GUF1: variants seen among roughly 807,000 people sequenced by gnomAD.
GUF1 encodes the protein translation factor GUF1, mitochondrial.
Under a neutral mutation model 82.4 loss-of-function variants are expected in GUF1, and 78 were observed. The ratio of observed to expected loss-of-function variants is 0.95; its 90% CI spans 0.79 to 1.14. The LOEUF is 1.14. Ranked by LOEUF, GUF1 falls within the 50% of genes most tolerant of loss-of-function variation. The probability of loss-of-function intolerance (pLI) is 0.00; values close to 1 mark genes in which losing one functional copy is unlikely to be tolerated. For missense variants in GUF1, 814 were observed against 798.2 expected (o/e 1.02, Z -0.24); for synonymous variants, 279 against 282.3 (o/e 0.99, Z 0.12).
chr4:44,684,091 CCCTT>C (rs1714918239), intron 6 of GUF1, among the ~76,000 whole-genome samples: 1 of 151,882 alleles, frequency 6.6e-6, no homozygotes, highest in East Asian at 1.9e-4. Flanking sequence ...CAGACAAGAC[CCCTT>C]CCTTTCTGCA....
Position 44,694,498 on chromosome 4 carries a change from T to G in GUF1, c.1700T>G (p.Val567Gly). 6.3e-7 allele frequency: 1 copy of G among 1,579,174 alleles called. No individual in the cohort carries two copies. The highest frequency in any genetic ancestry group is 8.7e-7 in the Non-Finnish European group (1 of 1,149,322). The change falls in exon 14 of 17, where the codon GTA becomes GGA. Residue 567 changes from valine to glycine, a missense_variant. Transcript: ENST00000281543. ...LLNGNTVEEL[V>G]TVVHKDKAHS... ...AATGGAAATACTGTAGAGGAGCTAG[T>G]AACTGTTGTACACAAGTAAGTTCAA...
Position 44,678,594 on chromosome 4 carries a change from C to G in GUF1, c.-29C>G, listed in dbSNP as rs1004152914. ...CTATGCTGCTGTTGCGTGTGGGTAC[C>G]CTCTCCTGACGCCTCCGCCGCCCGG... On this transcript the variant is annotated 5_prime_UTR_variant, in exon 1 of 17. Coordinates refer to ENST00000281543, the MANE Select transcript of GUF1 (RefSeq NM_021927.3). The G allele has an allele frequency of 7.0e-7, 1 of 1,438,304 alleles. No individual in the cohort carries two copies. The highest frequency in any genetic ancestry group is 3.1e-5 in the Admixed American group (1 of 32,332). 89.1% of individuals were successfully genotyped at this position (1,438,304 alleles called of 1,614,324 possible). A position where few individuals can be genotyped will look rare whatever the true frequency, so the allele number is the denominator to read the frequency against.
chr4:44,688,168 A>G, intron 9 of GUF1, 22 bp downstream of exon 9: 1 of 1,597,804 alleles, frequency 6.3e-7, no homozygotes, highest in Non-Finnish European at 8.5e-7. Context: ...ACAAATTCAA[A>G]GGTTGAGGGC....
chr4:44,687,896 A>C (rs1715159072), intron 8 of GUF1, 111 bp from the exon 9 acceptor site: 1 of 901,390 alleles, frequency 1.1e-6, no homozygotes, highest in African/African-American at 1.7e-5. Flanking sequence ...TTCAAAGTGT[A>C]TGGAAAGTTT....
chr4:44,690,544 T>A (rs1250673013), intron 11 of GUF1, among the ~76,000 whole-genome samples, 173 bp from the exon 12 acceptor site: 2 of 151,840 alleles, frequency 1.3e-5, no homozygotes. Flanking sequence ...TTCTTCTAAA[T>A]GGTCCATGAA....
chr4:44,680,618 A>C, intron 2 of GUF1, 66 bp downstream of exon 2: 1 of 1,434,224 alleles, frequency 7.0e-7, no homozygotes. Context: ...TTTACTCTTA[A>C]ATTTTAATTT....
intron 14 of GUF1, among the ~76,000 whole-genome samples, chr4:44,694,844 G>T (rs1447117731): frequency 6.6e-6 from 1 of 151,442 alleles, no homozygotes; most frequent in Non-Finnish European, 1.5e-5. Context: ...GTCTCATTCT[G>T]TTGCCAGGCT....
At chr4:44,678,836 T>C (rs371787595) in intron 1 of GUF1, 49 bp downstream of exon 1, 154 of 1,513,880 alleles carry the variant, frequency 1.0e-4, no homozygotes, top group Non-Finnish European at 1.2e-4. Flanking sequence ...AACGTTGGAG[T>C]GCCCCATGCG....
At position 44,678,501 on chromosome 4, in the gene GUF1, C is replaced by A; in HGVS notation, c.-122C>A. 1.3e-6 allele frequency: 1 copy of A among 790,524 alleles called. No individual in the cohort carries two copies. The highest frequency in any genetic ancestry group is 1.8e-6 in the Non-Finnish European group (1 of 558,360). 49.0% of individuals were successfully genotyped at this position (790,524 alleles called of 1,614,324 possible). On this transcript the variant is annotated 5_prime_UTR_variant, in exon 1 of 17. Coordinates refer to ENST00000281543, the MANE Select transcript of GUF1 (RefSeq NM_021927.3). ...AGAGCTCCCCGGGGTTCATTGTCTT[C>A]GCTTCACAGGATCTGTTTGAGTCCT... is the stretch of plus-strand genomic sequence containing the variant.
intron 9 of GUF1, 137 bp downstream of exon 9, chr4:44,688,283 C>T (rs371975604): frequency 3.5e-6 from 3 of 847,586 alleles, no homozygotes; most frequent in South Asian, 1.8e-5. Flanking sequence ...TCACTTTGTG[C>T]TGTTTATCAG....
chr4:44,695,806 A>T lies in GUF1; in HGVS notation c.1835+72A>T, dbSNP rs926170464. The T allele has an allele frequency of 3.5e-5, 51 of 1,445,884 alleles. No individual in the cohort carries two copies. In the Admixed American group the frequency reaches 9.7e-4, roughly 27 times the overall value. The allele number at this position is 1,445,884 out of a possible 1,614,324, so 89.6% of individuals were successfully genotyped here. ...ATACCTAAAAAGTGAAAGAATATTG[A>T]ACATTTTAATTTAACATTGGCCTAA... On this transcript the variant is annotated intron_variant, in intron 15 of 16. Coordinates refer to ENST00000281543, the MANE Select transcript of GUF1 (RefSeq NM_021927.3).
At chr4:44,694,152 T>C in intron 13 of GUF1, 1 of 364,044 alleles carries the variant, frequency 2.7e-6, no homozygotes, top group Non-Finnish European at 4.9e-6. Flanking sequence ...CAATAAACCA[T>C]TTTCTTTGTC....
rs1387926909 is a variant in GUF1 at position 44,687,551 on chromosome 4, T to C, written c.939-456T>C. On this transcript the variant is annotated intron_variant, in intron 8 of 16. Transcript: ENST00000281543. ...CTTAAACTGAACTCATAGGATTTGCTCTTTTGCTACAGGAGGAATATCAAG... is the reference window on the plus strand; with the variant it reads ...CTTAAACTGAACTCATAGGATTTGCCCTTTTGCTACAGGAGGAATATCAAG... Among the ~76,000 whole-genome samples, 3 of 151,870 alleles carry C rather than the reference T, an allele frequency of 2.0e-5. No individual in the cohort carries two copies. The East Asian group carries it at 5.8e-4, about 29-fold the overall frequency.
intron 9 of GUF1, among the ~76,000 whole-genome samples, chr4:44,688,592 A>C (rs1409154807): frequency 6.6e-6 from 1 of 151,884 alleles, no homozygotes; most frequent in Non-Finnish European, 1.5e-5. Context: ...ATAATTTCAG[A>C]ATCTTTTACT....
chr4:44,685,702 T>C (rs1715004577), intron 6 of GUF1, among the ~76,000 whole-genome samples: 1 of 152,080 alleles, frequency 6.6e-6, no homozygotes, highest in Non-Finnish European at 1.5e-5. Flanking sequence ...GTTACCCAGA[T>C]TTCGAACTAT....
Position 44,681,273 on chromosome 4 carries a change from A to C in GUF1, c.507+70A>C, listed in dbSNP as rs57960611. 6.3e-3 allele frequency: 7,270 copies of C among 1,149,582 alleles called. 335 individuals carry two copies. The African/African-American group carries it at 0.1, about 16-fold the overall frequency. The allele number at this position is 1,149,582 out of a possible 1,614,324, so 71.2% of individuals were successfully genotyped here. Reference sequence around the variant, plus strand: ...TGGTTGTTTCAAGAGTTTTTCTTTAAAATGTGTTTTGGAAATAGAATTTTT... The same window carrying C: ...TGGTTGTTTCAAGAGTTTTTCTTTACAATGTGTTTTGGAAATAGAATTTTT... On this transcript the variant is annotated intron_variant, in intron 4 of 16. Transcript: ENST00000281543.
rs575652732 is a variant in GUF1 at position 44,699,521 on chromosome 4, A to G, written c.*840A>G. ...AGTCACAATTTCCATGAATCTCAAC[A>G]AGTGAGGACCTGCTATATTTTGTTG... is the stretch of plus-strand genomic sequence containing the variant. On this transcript the variant is annotated 3_prime_UTR_variant, in exon 17 of 17. Transcript: ENST00000281543. The G allele has an allele frequency of 4.6e-5, 7 of 152,290 alleles. No individual in the cohort carries two copies. Among genetic ancestry groups the G allele is most frequent in the African/African-American group, 1.7e-4 (7 of 41,552 alleles). The allele number at this position is 152,290 out of a possible 1,614,324, so 9.4% of individuals were successfully genotyped here.
intron 1 of GUF1, 138 bp downstream of exon 1, chr4:44,678,925 G>T: frequency 1.2e-6 from 1 of 839,428 alleles, no homozygotes; most frequent in Non-Finnish European, 1.8e-6. Context: ...AGAGCGGAGA[G>T]TGTGAGCACT....
chr4:44,698,441 A>G, intron 16 of GUF1, 103 bp from the exon 17 acceptor site: 1 of 829,652 alleles, frequency 1.2e-6, no homozygotes, highest in South Asian at 1.9e-5. Flanking sequence ...CTTATGGATA[A>G]TAATTTGGTA....
Sources: gnomAD v4.1 joint callset for allele counts (sites outside exome capture counted in the v4.1 genomes callset) on GRCh38, gnomAD v4.1.1 for gene constraint, MANE v1.5 for transcripts, NCBI Gene and HGNC (gene_info 2026-07-23, HGNC 2026-07-21) for gene names.